Variants in DNM1 observed in about 807,000 individuals in gnomAD.
DNM1 encodes dynamin 1, also known as dynamin-1.
In DNM1, 29 loss-of-function variants were observed where a neutral mutation model predicts 104.6. That is an observed-to-expected ratio of 0.28 (90% CI 0.21 to 0.38). DNM1 has a LOEUF of 0.38. Among genes scored for constraint, DNM1 ranks in the 10% least tolerant of loss-of-function variants. The pLI, the probability that DNM1 is intolerant of heterozygous loss-of-function variation, is 1.00. For missense variants in DNM1, 640 were observed against 1,189.4 expected, an observed-to-expected ratio of 0.54 and a Z score of 6.79; for synonymous variants, 445 against 475.8, an observed-to-expected ratio of 0.94 and a Z score of 0.84.
chr9:128,246,642 A>C (rs1399624722), intron 16 of DNM1, 139 bp downstream of exon 16: 1 of 636,540 alleles, frequency 1.6e-6, no homozygotes. Flanking sequence ...ATGCTTATTG[A>C]GTTCCTGCTT....
chr9:128,237,692 G>A (rs927527729), intron 11 of DNM1, among the ~76,000 whole-genome samples: 1 of 152,194 alleles, frequency 6.6e-6, no homozygotes, highest in East Asian at 1.9e-4. Flanking sequence ...GTACTACTTT[G>A]AATACTCTGG....
Position 128,247,991 on chromosome 9 carries a change from C to T in DNM1, c.1905+56C>T. ...GGCATCTGCAGCCTGGCACCAGCTCCAGCCAGGTTTTCAAGCAAGGGACCT... is the reference window on the plus strand; with the variant it reads ...GGCATCTGCAGCCTGGCACCAGCTCTAGCCAGGTTTTCAAGCAAGGGACCT... On this transcript the variant is annotated intron_variant, in intron 18 of 21. Coordinates refer to ENST00000372923, the MANE Select transcript of DNM1 (RefSeq NM_004408.4). The surrounding 1 kb of genome is among the most constrained non-coding windows in gnomAD (Gnocchi z 5.1). 1.2e-6 allele frequency: 2 copies of T among 1,612,350 alleles called. No individual in the cohort carries two copies. Among genetic ancestry groups the T allele is most frequent in the Non-Finnish European group, 1.7e-6 (2 of 1,178,410 alleles).
At position 128,239,524 on chromosome 9, in the gene DNM1, TC is replaced by T. The variant is rs371426966; in HGVS notation, c.1493+14del. 961 of 1,609,628 alleles carry T rather than the reference TC, an allele frequency of 6.0e-4. 4 individuals are homozygous for T. The highest frequency in any genetic ancestry group is 5.6e-3 in the Middle Eastern group (34 of 6,050). ...TTCATAGGCTTTGCCAAGTGAGTGCTCCCCCAGGCAAAAAGTGAGTGCTCCC... is the reference window on the plus strand; with the variant it reads ...TTCATAGGCTTTGCCAAGTGAGTGCTCCCCAGGCAAAAAGTGAGTGCTCCC... On this transcript the variant is annotated intron_variant, in intron 12 of 21. Transcript: ENST00000372923.
chr9:128,239,770 A>G lies in DNM1; in HGVS notation c.1536A>G (p.Ser512=). The G allele has an allele frequency of 1.2e-6, 2 of 1,613,798 alleles. No homozygotes were observed. Among genetic ancestry groups the G allele is most frequent in the African/African-American group, 1.3e-5 (1 of 75,000 alleles). The change falls in exon 13 of 22, where the codon TCA becomes TCG. Residue 512 remains serine, a synonymous_variant. Coordinates refer to ENST00000372923, the MANE Select transcript of DNM1 (RefSeq NM_004408.4). ...RSNQMNKKKT[S]GNQDEILVIR... Reference sequence around the variant, plus strand: ...ACCAGATGAACAAGAAGAAGACTTCAGGGAACCAGGTGAGTGGGGCCCAGC... The same window carrying G: ...ACCAGATGAACAAGAAGAAGACTTCGGGGAACCAGGTGAGTGGGGCCCAGC...
Position 128,250,238 on chromosome 9 carries a change from G to T in DNM1, c.2200G>T (p.Ala734Ser). 1 of 1,614,056 alleles carries T rather than the reference G, an allele frequency of 6.2e-7. No homozygotes were observed. The highest frequency in any genetic ancestry group is 8.5e-7 in the Non-Finnish European group (1 of 1,180,000). Residue 734 changes from alanine (A) to serine (S), a missense_variant, in exon 20 of 22, where the codon GCA (alanine) becomes TCA (serine). Physicochemically the swap from Ala to Ser is moderately conservative, Grantham distance 99. Transcript: ENST00000372923. ...CGACGAGATGCTGCGCATGTACCAC[G>T]CACTGAAGGAGGCGCTCAGCATCAT... ...RRDEMLRMYH[A>S]LKEALSIIGD...
At chr9:128,250,386 GC>G in intron 20 of DNM1, 30 bp downstream of exon 20, 11 of 1,537,190 alleles carry the variant, frequency 7.2e-6, no homozygotes, top group Non-Finnish European at 8.7e-6. Flanking sequence ...CGGCCCCAAA[GC>G]CCCCCAGCCC....
rs34036148 is a variant in DNM1 at position 128,239,567 on chromosome 9, CGTGTGTGTGTGTGTGTGT to C, written c.1493+85_1493+102del. Reference sequence around the variant, plus strand: ...AGTGCTCCCTGGGCAGAGAAGGTAACGTGTGTGTGTGTGTGTGTGTGTGTGTGTGTGTGTGTGTGTGTG... The same window carrying C: ...AGTGCTCCCTGGGCAGAGAAGGTAACGTGTGTGTGTGTGTGTGTGTGTGTG... On this transcript the variant is annotated intron_variant, in intron 12 of 21. Coordinates refer to ENST00000372923, the MANE Select transcript of DNM1 (RefSeq NM_004408.4). 1,399 of 882,444 alleles carry C rather than the reference CGTGTGTGTGTGTGTGTGT, an allele frequency of 1.6e-3. 4 individuals carry two copies. In the South Asian group the frequency reaches 0.018, roughly 11 times the overall value. The allele number at this position is 882,444 out of a possible 1,614,324, so 54.7% of individuals were successfully genotyped here.
Position 128,248,000 on chromosome 9 carries a change from T to G in DNM1, c.1905+65T>G. 6.2e-7 allele frequency: 1 copy of G among 1,607,486 alleles called. No individual in the cohort carries two copies. ...AGCCTGGCACCAGCTCCAGCCAGGT[T>G]TTCAAGCAAGGGACCTGGAGATGTT... On this transcript the variant is annotated intron_variant, in intron 18 of 21. Coordinates refer to ENST00000372923, the MANE Select transcript of DNM1 (RefSeq NM_004408.4). This position sits in a 1 kb window ranked among gnomAD's most constrained non-coding sequence, Gnocchi z 5.1.
chr9:128,244,578 A>T, intron 15 of DNM1: 1 of 139,586 alleles, frequency 7.2e-6, no homozygotes, highest in Non-Finnish European at 1.5e-5. Context: ...CATCACCGCT[A>T]CCCCCAACCA....
intron 1 of DNM1, among the ~76,000 whole-genome samples, chr9:128,205,761 A>C (rs553533895): frequency 2.6e-5 from 4 of 152,238 alleles, no homozygotes; most frequent in Admixed American, 2.6e-4. Flanking sequence ...GGGGACCTGC[A>C]TGCCCAGCCC....
chr9:128,210,824 C>G (rs1588324644), intron 1 of DNM1, among the ~76,000 whole-genome samples: 1 of 152,060 alleles, frequency 6.6e-6, no homozygotes, highest in Non-Finnish European at 1.5e-5. Flanking sequence ...CATGTGTGCA[C>G]ACACCTACAC....
Position 128,245,367 on chromosome 9 carries a change from C to G in DNM1, c.1672-1027C>G, listed in dbSNP as rs1836724266. 6.6e-6 allele frequency among the ~76,000 whole-genome samples: 1 copy of G among 151,964 alleles called. No individual in the cohort carries two copies. Among genetic ancestry groups the G allele is most frequent in the African/African-American group, 2.4e-5 (1 of 41,346 alleles). Reference sequence around the variant, plus strand: ...GATCCTAGGCAAGGCTCATGCCCAACCTCTTTGAGTCCCCGAGGCCCACAC... The same window carrying G: ...GATCCTAGGCAAGGCTCATGCCCAAGCTCTTTGAGTCCCCGAGGCCCACAC... On this transcript the variant is annotated intron_variant, in intron 15 of 21. Transcript: ENST00000372923. This position sits in a 1 kb window ranked among gnomAD's most constrained non-coding sequence, Gnocchi z 5.2.
At chr9:128,208,504 A>G (rs1834104149) in intron 1 of DNM1, among the ~76,000 whole-genome samples, 1 of 152,168 alleles carries the variant, frequency 6.6e-6, no homozygotes, top group Non-Finnish European at 1.5e-5. Context: ...ACACACCAGG[A>G]TGCATCATAG....
Position 128,253,721 on chromosome 9 carries a change from G to A in DNM1, c.2535-933G>A, listed in dbSNP as rs556629852. 9.6e-6 allele frequency: 3 copies of A among 313,586 alleles called. No homozygotes were observed. Among genetic ancestry groups the A allele is most frequent in the South Asian group, 1.5e-4 (1 of 6,478 alleles). 19.4% of individuals were successfully genotyped at this position (313,586 alleles called of 1,614,324 possible). A position where few individuals can be genotyped will look rare whatever the true frequency, so the allele number is the denominator to read the frequency against. ...AAAAGCTTGAGAGTCCCATACACAC[G>A]GTCATCCCACGACATACCTCACAGG... On this transcript the variant is annotated intron_variant, in intron 21 of 21. Transcript: ENST00000372923. This position sits in a 1 kb window ranked among gnomAD's most constrained non-coding sequence, Gnocchi z 5.9.
intron 11 of DNM1, among the ~76,000 whole-genome samples, chr9:128,235,852 C>T (rs559607448): frequency 5.3e-5 from 8 of 152,116 alleles, no homozygotes; most frequent in Admixed American, 1.3e-4. Context: ...GTAGCTGGGG[C>T]TACAGGTACA....
intron 1 of DNM1, among the ~76,000 whole-genome samples, chr9:128,208,123 G>C (rs112467690): frequency 0.025 from 3,827 of 151,354 alleles, 167 homozygotes; most frequent in African/African-American, 0.086. Context: ...GCAATGGCGC[G>C]ATCTCAGCTC....
chr9:128,211,696 CT>C (rs1834312567), intron 1 of DNM1, among the ~76,000 whole-genome samples: 1 of 152,038 alleles, frequency 6.6e-6, no homozygotes, highest in South Asian at 2.1e-4. Context: ...CTGCCGTTGT[CT>C]TCCTCTTTCA....
intron 1 of DNM1, among the ~76,000 whole-genome samples, chr9:128,215,332 C>T (rs1391070147): frequency 6.6e-6 from 1 of 152,244 alleles, no homozygotes; most frequent in Non-Finnish European, 1.5e-5. Context: ...ATTCTGCCTC[C>T]CCATGAAGCC....
rs1037631146 is a variant in DNM1 at position 128,218,003 on chromosome 9, T to C, written c.162-228T>C. 6.6e-6 allele frequency among the ~76,000 whole-genome samples: 1 copy of C among 152,176 alleles called. No individual in the cohort carries two copies. Among genetic ancestry groups the C allele is most frequent in the African/African-American group, 2.4e-5 (1 of 41,434 alleles). ...GTATCTAGGAGTTGATCCAGTCTCT[T>C]GGCAGCTCAGATGCATAAATTCTGT... is the stretch of plus-strand genomic sequence containing the variant. On this transcript the variant is annotated intron_variant, in intron 1 of 21. Transcript: ENST00000372923. The surrounding 1 kb of genome is among the most constrained non-coding windows in gnomAD (Gnocchi z 4.8).
Sources: allele counts gnomAD v4.1 joint callset (sites outside exome capture counted in the v4.1 genomes callset), GRCh38; gene constraint gnomAD v4.1.1; non-coding constraint Gnocchi (gnomAD v3.1); transcripts MANE v1.5; gene names NCBI Gene and HGNC (gene_info 2026-07-23, HGNC 2026-07-21).